The following PRKG1 variants were observed in gnomAD, a reference collection of about 807,000 sequenced individuals.
PRKG1 encodes cGMP-dependent protein kinase 1.
In PRKG1, 35 loss-of-function variants were observed where a neutral mutation model predicts 88.1. The ratio of observed to expected loss-of-function variants is 0.40; its 90% CI spans 0.30 to 0.53. PRKG1 has a LOEUF of 0.53. Ranked by LOEUF, PRKG1 falls within the 20% of genes least tolerant of loss-of-function variation. PRKG1 has a pLI of 0.59. For missense variants in PRKG1, 540 were observed against 839.8 expected (o/e 0.64, Z 4.41); for synonymous variants, 303 against 292.5 (o/e 1.04, Z -0.37).
At chr10:51,613,172 T>C (rs750181650) in intron 3 of PRKG1, among the ~76,000 whole-genome samples, 7 of 152,030 alleles carry the variant, frequency 4.6e-5, no homozygotes, top group Non-Finnish European at 1.0e-4. Flanking sequence ...GTTTGAAAAC[T>C]TTTTATTACT....
intron 7 of PRKG1, among the ~76,000 whole-genome samples, chr10:52,082,051 A>G (rs1239026914): frequency 6.6e-6 from 1 of 152,138 alleles, no homozygotes; most frequent in Non-Finnish European, 1.5e-5. Flanking sequence ...GAAACTTACA[A>G]TCATGGTGTA....
chr10:51,101,971 C>A (rs777945910), intron 1 of PRKG1, among the ~76,000 whole-genome samples: 2 of 152,190 alleles, frequency 1.3e-5, no homozygotes, highest in Non-Finnish European at 2.9e-5. Flanking sequence ...CAGTGGCGTG[C>A]TGGCAAATAC....
At chr10:52,040,237 A>G (rs1320167322) in intron 5 of PRKG1, among the ~76,000 whole-genome samples, 1 of 152,190 alleles carries the variant, frequency 6.6e-6, no homozygotes, top group Non-Finnish European at 1.5e-5. Flanking sequence ...AACTGTGATC[A>G]ACCTGCTCTT....
In PRKG1 at chr10:51,447,176, C is replaced by T. The variant is rs551785514; in HGVS notation, c.479-20547C>T. ...TCATTTAGGTCAAATAAATAAAGGC[C>T]ATAAGTAGTCTCATATTCATTTAGA... is the stretch of plus-strand genomic sequence containing the variant. On this transcript the variant is annotated intron_variant, in intron 2 of 17. Transcript: ENST00000373980. Among the ~76,000 whole-genome samples, 27 of 152,030 alleles carry T rather than the reference C, an allele frequency of 1.8e-4. No homozygotes were observed. The South Asian group carries it at 5.6e-3, about 31-fold the overall frequency.
intron 3 of PRKG1, among the ~76,000 whole-genome samples, chr10:51,537,580 T>A (rs12267321): frequency 0.071 from 10,764 of 151,662 alleles, 1,255 homozygotes; most frequent in African/African-American, 0.24. Flanking sequence ...AATACAAAAA[T>A]TAGCTAGGCG....
At chr10:51,537,658 G>A (rs560975904) in intron 3 of PRKG1, among the ~76,000 whole-genome samples, 46 of 148,614 alleles carry the variant, frequency 3.1e-4, no homozygotes, top group African/African-American at 1.1e-3. Context: ...AACCCAGGAG[G>A]CAGAGGTTGC....
chr10:51,701,716 G>A (rs1589216141), intron 3 of PRKG1, among the ~76,000 whole-genome samples: 1 of 126,552 alleles, frequency 7.9e-6, no homozygotes, highest in African/African-American at 3.2e-5. Flanking sequence ...GAATATGTGT[G>A]TAATTGTGTG....
At chr10:51,362,765 C>T (rs924463777) in intron 2 of PRKG1, among the ~76,000 whole-genome samples, 2 of 151,820 alleles carry the variant, frequency 1.3e-5, no homozygotes, top group Non-Finnish European at 1.5e-5. Context: ...TCTCCTAATG[C>T]TATCCCTCCC....
In PRKG1 at chr10:51,272,058, T is replaced by C. The variant is rs575700177; in HGVS notation, c.478+118728T>C. Among the ~76,000 whole-genome samples the C allele has an allele frequency of 2.0e-5, 3 of 152,346 alleles. No homozygotes were observed. In the East Asian group the frequency reaches 5.8e-4, roughly 29 times the overall value. On this transcript the variant is annotated intron_variant, in intron 2 of 17. Transcript: ENST00000373980. ...AACAGTGTAAAAGGGTTCCTATTTC[T>C]CCACATCTTCTCCAGTATCTGTTGT...
At chr10:51,217,866 T>A (rs572587180) in intron 2 of PRKG1, among the ~76,000 whole-genome samples, 1 of 152,272 alleles carries the variant, frequency 6.6e-6, no homozygotes, top group Non-Finnish European at 1.5e-5. Context: ...TTTTGTAAAA[T>A]AATTTCCAAG....
chr10:51,869,107 A>G (rs1841090988), intron 4 of PRKG1, among the ~76,000 whole-genome samples: 1 of 152,156 alleles, frequency 6.6e-6, no homozygotes. Flanking sequence ...CTTTCAATCT[A>G]TGAATATTCA....
chr10:51,420,874 T>C, intron 2 of PRKG1, among the ~76,000 whole-genome samples: 1 of 152,048 alleles, frequency 6.6e-6, no homozygotes, highest in East Asian at 1.9e-4. Flanking sequence ...GCACTTCACA[T>C]GGTAAAAGTA....
intron 4 of PRKG1, among the ~76,000 whole-genome samples, chr10:51,867,811 C>G (rs377130819): frequency 6.6e-6 from 1 of 152,040 alleles, no homozygotes; most frequent in Non-Finnish European, 1.5e-5. Context: ...ATTGAAAAGA[C>G]GTAAAGTAAT....
At chr10:52,223,922 A>G (rs1354358991) in intron 9 of PRKG1, among the ~76,000 whole-genome samples, 3 of 152,136 alleles carry the variant, frequency 2.0e-5, no homozygotes, top group Non-Finnish European at 4.4e-5. Flanking sequence ...ACCTCTTGGC[A>G]TTAACACTGC....
At chr10:52,000,247 A>G (rs1844560059) in intron 5 of PRKG1, among the ~76,000 whole-genome samples, 1 of 152,096 alleles carries the variant, frequency 6.6e-6, no homozygotes, top group African/African-American at 2.4e-5. Context: ...GATAAGTGCT[A>G]TGAAAAAGGA....
chr10:51,414,055 C>T (rs141954635), intron 2 of PRKG1, among the ~76,000 whole-genome samples: 42 of 152,174 alleles, frequency 2.8e-4, no homozygotes, highest in African/African-American at 9.4e-4. Flanking sequence ...TTCTGAGCCT[C>T]GATTTCCTTA....
intron 2 of PRKG1, among the ~76,000 whole-genome samples, chr10:51,277,602 TG>T (rs1840161964): frequency 6.6e-6 from 1 of 152,220 alleles, no homozygotes; most frequent in Non-Finnish European, 1.5e-5. Flanking sequence ...GAGCATGGAA[TG>T]TTCTTCCATT....
At chr10:51,495,376 T>A (rs529246810) in intron 3 of PRKG1, among the ~76,000 whole-genome samples, 1 of 152,358 alleles carries the variant, frequency 6.6e-6, no homozygotes, top group East Asian at 1.9e-4. Context: ...ATTGCAGGCG[T>A]GAGCCACCGC....
At chr10:51,019,360 C>A (rs1158208408) in intron 1 of PRKG1, among the ~76,000 whole-genome samples, 3 of 152,092 alleles carry the variant, frequency 2.0e-5, no homozygotes, top group Non-Finnish European at 2.9e-5. Context: ...GATCAGTTGA[C>A]TTTTGACAAG....
Sources: allele counts gnomAD v4.1 joint callset (sites outside exome capture counted in the v4.1 genomes callset), GRCh38; gene constraint gnomAD v4.1.1; transcripts MANE v1.5; gene names NCBI Gene and HGNC (gene_info 2026-07-23, HGNC 2026-07-21).